Variants in DCDC2 observed in about 807,000 individuals in gnomAD.
The protein encoded by DCDC2 is doublecortin domain-containing protein 2.
A neutral mutation model predicts 50.2 loss-of-function variants in DCDC2; 40 were observed. The ratio of observed to expected loss-of-function variants is 0.80; its 90% CI spans 0.62 to 1.04. The LOEUF (loss-of-function observed/expected upper bound fraction) is 1.04, where lower values mean the gene tolerates loss of function less well. Ranked by LOEUF, DCDC2 falls within the 50% of genes least tolerant of loss-of-function variation. The pLI is 0.00. For synonymous variants in DCDC2, 234 were observed against 210.6 expected (o/e 1.11, Z -0.96); for missense variants, 570 against 581.9 (o/e 0.98, Z 0.21).
chr6:24,286,662 C>A (rs571384206), intron 6 of DCDC2, among the ~76,000 whole-genome samples: 79 of 152,092 alleles, frequency 5.2e-4, no homozygotes, highest in Admixed American at 1.2e-3. Flanking sequence ...TCAGCTCTGC[C>A]ATTTACAACT....
chr6:24,332,512 A>T (rs1423650047), intron 2 of DCDC2, among the ~76,000 whole-genome samples: 2 of 152,110 alleles, frequency 1.3e-5, no homozygotes, highest in Non-Finnish European at 2.9e-5. Context: ...CAGCTTTTAG[A>T]TCTCCAGCTA....
intron 7 of DCDC2, among the ~76,000 whole-genome samples, chr6:24,225,338 A>G (rs1762207764): frequency 6.6e-6 from 1 of 152,198 alleles, no homozygotes; most frequent in South Asian, 2.1e-4. Context: ...GGTGCAATCC[A>G]TCTAGGAGAA....
intron 2 of DCDC2, among the ~76,000 whole-genome samples, chr6:24,305,244 AAAT>A (rs1332988467): frequency 6.6e-6 from 1 of 152,190 alleles, no homozygotes; most frequent in Non-Finnish European, 1.5e-5. Context: ...CATCTGTTTT[AAAT>A]AATAATTGTT....
intron 2 of DCDC2, among the ~76,000 whole-genome samples, chr6:24,346,599 T>C (rs940582785): frequency 6.6e-6 from 1 of 151,952 alleles, no homozygotes; most frequent in Non-Finnish European, 1.5e-5. Context: ...CTACTAAATA[T>C]ATAAATTTAG....
chr6:24,333,686 G>A (rs1760007329), intron 2 of DCDC2, among the ~76,000 whole-genome samples: 1 of 152,188 alleles, frequency 6.6e-6, no homozygotes, highest in Non-Finnish European at 1.5e-5. Flanking sequence ...GGAAGTCACT[G>A]ATGAGTTTTA....
intron 1 of DCDC2, among the ~76,000 whole-genome samples, chr6:24,354,614 T>C (rs1760432027): frequency 6.6e-6 from 1 of 152,168 alleles, no homozygotes; most frequent in South Asian, 2.1e-4. Context: ...AGCAATAAAA[T>C]GGGTCTTTTG....
chr6:24,351,813 T>C (rs2127254547), intron 2 of DCDC2, among the ~76,000 whole-genome samples: 1 of 152,250 alleles, frequency 6.6e-6, no homozygotes, highest in Non-Finnish European at 1.5e-5. Flanking sequence ...TTATTAAAAA[T>C]ACTATTTTAA....
intron 8 of DCDC2, among the ~76,000 whole-genome samples, chr6:24,200,181 A>G (rs1087291): frequency 0.45 from 68,437 of 152,038 alleles, 18,716 homozygotes; most frequent in Non-Finnish European, 0.59. Flanking sequence ...TGATCCTCAA[A>G]AAGAGTAACC....
At chr6:24,197,374 A>C (rs962263202) in intron 8 of DCDC2, among the ~76,000 whole-genome samples, 1 of 152,204 alleles carries the variant, frequency 6.6e-6, no homozygotes, top group Non-Finnish European at 1.5e-5. Flanking sequence ...TTTGCTAATA[A>C]GGCTATGATT....
intron 2 of DCDC2, among the ~76,000 whole-genome samples, chr6:24,343,359 T>C (rs1000943851): frequency 2.0e-5 from 3 of 152,202 alleles, no homozygotes; most frequent in Non-Finnish European, 4.4e-5. Flanking sequence ...TAAATATTCT[T>C]GAGGAAATGT....
Position 24,174,720 on chromosome 6 carries a change from T to C in DCDC2, c.*10A>G. The C allele has an allele frequency of 6.3e-7, 1 of 1,593,830 alleles. No homozygotes were observed. The highest frequency in any genetic ancestry group is 8.6e-7 in the Non-Finnish European group (1 of 1,162,288). On this transcript the variant is annotated 3_prime_UTR_variant, in exon 10 of 10. Transcript: ENST00000378454. ...TCTTGCGATCCATATACTCTCTTTT[T>C]AAAAATGTTCTAAGCCACGGCAGCA...
chr6:24,179,615 A>G (rs943419960), intron 8 of DCDC2, among the ~76,000 whole-genome samples: 3 of 148,494 alleles, frequency 2.0e-5, no homozygotes, highest in African/African-American at 7.4e-5. Context: ...TTAATCAAGC[A>G]TTTCACTGTT....
At chr6:24,213,627 C>A (rs756970793) in intron 7 of DCDC2, among the ~76,000 whole-genome samples, 3 of 152,070 alleles carry the variant, frequency 2.0e-5, no homozygotes, top group Non-Finnish European at 2.9e-5. Flanking sequence ...AATTTTTATA[C>A]AACTTTTTAC....
intron 2 of DCDC2, among the ~76,000 whole-genome samples, chr6:24,303,102 T>A (rs910822946): frequency 4.0e-5 from 6 of 151,872 alleles, no homozygotes; most frequent in Non-Finnish European, 8.8e-5. Context: ...GTTCATTCAT[T>A]TAAGACCTCC....
chr6:24,211,089 G>A (rs1027492950), intron 7 of DCDC2, among the ~76,000 whole-genome samples: 1 of 152,036 alleles, frequency 6.6e-6, no homozygotes, highest in Non-Finnish European at 1.5e-5. Context: ...CACTTACTGT[G>A]TTTGTCAGTT....
intron 7 of DCDC2, among the ~76,000 whole-genome samples, chr6:24,234,475 C>A (rs1762401961): frequency 6.6e-6 from 1 of 151,948 alleles, no homozygotes; most frequent in Non-Finnish European, 1.5e-5. Context: ...GAGTGCAGAA[C>A]AAAACTCAGA....
chr6:24,272,418 C>T (rs1177462747), intron 7 of DCDC2, among the ~76,000 whole-genome samples: 1 of 152,064 alleles, frequency 6.6e-6, no homozygotes, highest in African/African-American at 2.4e-5. Flanking sequence ...GTACACATTG[C>T]CATTGAGATG....
chr6:24,190,065 C>T (rs1480655452), intron 8 of DCDC2, among the ~76,000 whole-genome samples: 1 of 130,650 alleles, frequency 7.7e-6, no homozygotes, highest in African/African-American at 3.6e-5. Flanking sequence ...CAGAGGCTTA[C>T]TTTCACCGAA....
the DCDC2 span, among the ~76,000 whole-genome samples, chr6:24,381,815 G>GAAGGAAGGAAGGAAGA: frequency 1.9e-5 from 2 of 104,020 alleles, no homozygotes; most frequent in South Asian, 7.5e-4. Flanking sequence ...AGGAAGGAAG[G>GAAGGAAGGAAGGAAGA]AAGGAAGGAA....
Sources: allele counts gnomAD v4.1 joint callset (sites outside exome capture counted in the v4.1 genomes callset), GRCh38; gene constraint gnomAD v4.1.1; transcripts MANE v1.5; gene names NCBI Gene and HGNC (gene_info 2026-07-23, HGNC 2026-07-21).